Variants in HSPA12A observed in about 807,000 individuals in gnomAD.
HSPA12A encodes heat shock 70 kDa protein 12A.
HSPA12A carries 28 observed loss-of-function variants against 69.2 expected under a neutral mutation model. The ratio of observed to expected loss-of-function variants is 0.40; its 90% CI spans 0.30 to 0.55. The LOEUF is 0.55. Among genes scored for constraint, HSPA12A ranks in the 20% least tolerant of loss-of-function variants. The pLI, the probability that HSPA12A is intolerant of heterozygous loss-of-function variation, is 0.38. For synonymous variants in HSPA12A, 345 were observed against 370.5 expected, an observed-to-expected ratio of 0.93 and a Z score of 0.79; for missense variants, 686 against 900.7, an observed-to-expected ratio of 0.76 and a Z score of 3.05.
At chr10:116,811,426 C>T (rs971598313) in intron 2 of HSPA12A, among the ~76,000 whole-genome samples, 1 of 152,220 alleles carries the variant, frequency 6.6e-6, no homozygotes, top group South Asian at 2.1e-4. Context: ...ACCCTCCTTG[C>T]GCCAATCACC....
chr10:116,679,535 C>A lies in HSPA12A; in HGVS notation c.1254G>T (p.Gly418=). The A allele has an allele frequency of 6.2e-7, 1 of 1,614,122 alleles. No homozygotes were observed. The highest frequency in any genetic ancestry group is 1.7e-5 in the Admixed American group (1 of 60,028). Residue 418 remains glycine (G), a synonymous_variant, in exon 10 of 12, where the codon GGG becomes GGT. Coordinates refer to ENST00000369209, the MANE Select transcript of HSPA12A (RefSeq NM_025015.3). ...TCCGCAAGGCGTGCTCCACACTGTGCCCGCGGAACTTCTTGTAGTAGTCAA... is the reference window on the plus strand; with the variant it reads ...TCCGCAAGGCGTGCTCCACACTGTGACCGCGGAACTTCTTGTAGTAGTCAA... ...SFIDYYKKFR[G]HSVEHALRKS...
chr10:116,689,695 G>C (rs147654973), intron 6 of HSPA12A, among the ~76,000 whole-genome samples: 78 of 152,004 alleles, frequency 5.1e-4, no homozygotes, highest in African/African-American at 1.8e-3. Context: ...GAAGTTCCAA[G>C]ATCTGCAGCC....
chr10:116,849,420 A>G (rs2133234032), intron 1 of HSPA12A: 1 of 1,173,530 alleles, frequency 8.5e-7, no homozygotes, highest in Non-Finnish European at 1.1e-6. Flanking sequence ...AGCTCCAATA[A>G]AAGGGAACGA....
chr10:116,781,851 C>CAAGTA (rs1844471643), intron 2 of HSPA12A, among the ~76,000 whole-genome samples: 1 of 152,160 alleles, frequency 6.6e-6, no homozygotes. Context: ...TTTCTTAAAA[C>CAAGTA]AAGTCTTCAA....
chr10:116,767,853 C>G (rs1292199545), intron 2 of HSPA12A, among the ~76,000 whole-genome samples: 1 of 152,178 alleles, frequency 6.6e-6, no homozygotes, highest in Non-Finnish European at 1.5e-5. Flanking sequence ...TAATTGCAGC[C>G]TCTTTCAAAA....
In HSPA12A at chr10:116,705,163, A is replaced by G. The variant is rs782494350; in HGVS notation, c.242T>C (p.Ile81Thr). Residue 81 changes from isoleucine (I) to threonine (T), a missense_variant, in exon 3 of 12, where the codon ATC becomes ACC. Physicochemically the swap from Ile to Thr is moderately conservative, Grantham distance 89. Transcript: ENST00000369209. ...AYSFTKEPEC[I>T]HVMRRWEGGD... ...CCACAGCACTCACCTCATCACATGG[A>G]TGCATTCCGGCTCCTTGGTGAAGCT... 6.2e-7 allele frequency: 1 copy of G among 1,614,132 alleles called. No individual in the cohort carries two copies. The highest frequency in any genetic ancestry group is 8.5e-7 in the Non-Finnish European group (1 of 1,180,018).
intron 2 of HSPA12A, among the ~76,000 whole-genome samples, chr10:116,758,345 C>T (rs1180762334): frequency 3.9e-5 from 6 of 152,138 alleles, no homozygotes; most frequent in African/African-American, 7.2e-5. Flanking sequence ...TTCTGATTGC[C>T]GTTTATGAAT....
chr10:116,842,099 A>G (rs993207842), intron 1 of HSPA12A, among the ~76,000 whole-genome samples: 5 of 152,202 alleles, frequency 3.3e-5, no homozygotes, highest in Non-Finnish European at 4.4e-5. Flanking sequence ...ATTCCTCTTA[A>G]GCAGATTAAC....
At chr10:116,845,707 G>A (rs1002066991) in intron 1 of HSPA12A, among the ~76,000 whole-genome samples, 1 of 152,106 alleles carries the variant, frequency 6.6e-6, no homozygotes, top group Non-Finnish European at 1.5e-5. Flanking sequence ...CTCTGGAAAT[G>A]CCCTAAGACA....
chr10:116,682,453 A>AC (rs1169457131), intron 7 of HSPA12A, among the ~76,000 whole-genome samples: 2 of 133,006 alleles, frequency 1.5e-5, no homozygotes, highest in African/African-American at 6.1e-5. Flanking sequence ...GGGTAAATAG[A>AC]CTGGGGGGGG....
chr10:116,712,133 C>T (rs1442871570), intron 1 of HSPA12A, among the ~76,000 whole-genome samples: 1 of 152,160 alleles, frequency 6.6e-6, no homozygotes. Context: ...CATCATGTCT[C>T]CTTTGCTATT....
chr10:116,729,940 C>T (rs1851100479), intron 1 of HSPA12A, among the ~76,000 whole-genome samples: 1 of 152,204 alleles, frequency 6.6e-6, no homozygotes, highest in Non-Finnish European at 1.5e-5. Context: ...ATAAAGATGG[C>T]CAGGCGTGGT....
intron 2 of HSPA12A, among the ~76,000 whole-genome samples, chr10:116,827,041 G>T (rs1158440275): frequency 6.6e-6 from 1 of 152,220 alleles, no homozygotes; most frequent in Non-Finnish European, 1.5e-5. Context: ...GCCAGCAGGG[G>T]TTCCGCAGAT....
At chr10:116,705,620 T>A (rs143665441) in intron 2 of HSPA12A, among the ~76,000 whole-genome samples, 50 of 152,304 alleles carry the variant, frequency 3.3e-4, no homozygotes, top group African/African-American at 1.0e-3. Flanking sequence ...GCAGATACAA[T>A]CTTCTTCCAA....
intron 2 of HSPA12A, among the ~76,000 whole-genome samples, chr10:116,813,263 T>TTTTTTTTTTTG (rs1845230777): frequency 6.8e-6 from 1 of 147,380 alleles, no homozygotes; most frequent in Non-Finnish European, 1.5e-5. Flanking sequence ...TTTTTTTTTT[T>TTTTTTTTTTTG]GAGATGGAGT....
At chr10:116,722,989 C>T (rs1850828923) in intron 1 of HSPA12A, among the ~76,000 whole-genome samples, 1 of 151,956 alleles carries the variant, frequency 6.6e-6, no homozygotes, top group South Asian at 2.1e-4. Context: ...GCCAAAGGAA[C>T]AGCAAGGGCA....
chr10:116,755,608 TCAA>T (rs1843820630), intron 2 of HSPA12A, among the ~76,000 whole-genome samples: 1 of 68,474 alleles, frequency 1.5e-5, no homozygotes, highest in African/African-American at 7.0e-5. Flanking sequence ...TGAGACTGTC[TCAA>T]AAAAAAAAAA....
intron 2 of HSPA12A, among the ~76,000 whole-genome samples, chr10:116,796,235 A>G (rs1589711798): frequency 6.6e-6 from 1 of 152,078 alleles, no homozygotes; most frequent in Non-Finnish European, 1.5e-5. Flanking sequence ...TATTACTTGT[A>G]TAGCATCTGG....
At chr10:116,779,989 A>C (rs928614371) in intron 2 of HSPA12A, among the ~76,000 whole-genome samples, 4 of 152,150 alleles carry the variant, frequency 2.6e-5, no homozygotes, top group Non-Finnish European at 5.9e-5. Context: ...TAGAGGAGGC[A>C]GGCACCCAGG....
Sources: gnomAD v4.1 joint callset for allele counts (sites outside exome capture counted in the v4.1 genomes callset) on GRCh38, gnomAD v4.1.1 for gene constraint, MANE v1.5 for transcripts, NCBI Gene and HGNC (gene_info 2026-07-23, HGNC 2026-07-21) for gene names.